Variants in NXPH1 observed in about 807,000 individuals in gnomAD.
NXPH1 encodes the protein neurexophilin 1.
NXPH1 carries 5 observed loss-of-function variants against 23.7 expected under a neutral mutation model. That is an observed-to-expected ratio of 0.21 (90% CI 0.11 to 0.44). The LOEUF (loss-of-function observed/expected upper bound fraction) is 0.44. NXPH1 is among the 20% of genes least tolerant of loss of function. The pLI is 0.99. For missense variants in NXPH1, 324 were observed against 321.6 expected, an observed-to-expected ratio of 1.01 and a Z score of -0.06; for synonymous variants, 144 against 122.2, an observed-to-expected ratio of 1.18 and a Z score of -1.18.
intron 2 of NXPH1, among the ~76,000 whole-genome samples, chr7:8,563,837 C>A (rs1276079977): frequency 6.6e-6 from 1 of 151,730 alleles, no homozygotes; most frequent in Non-Finnish European, 1.5e-5. Flanking sequence ...AACTGGCTTG[C>A]CCAAACCATA....
intron 2 of NXPH1, among the ~76,000 whole-genome samples, chr7:8,587,184 T>C (rs950233826): frequency 2.0e-5 from 3 of 152,190 alleles, no homozygotes; most frequent in Admixed American, 2.0e-4. Context: ...TTGTGACATT[T>C]ATTTGAAAAT....
At position 8,646,897 on chromosome 7, in the gene NXPH1, G is replaced by A. The variant is rs147803864; in HGVS notation, c.55-104111G>A. ...TTTAAAGGCAATAAACTGGCAACTCGGGTGCATGATGGGTAGGAACTGGGC... is the reference window on the plus strand; with the variant it reads ...TTTAAAGGCAATAAACTGGCAACTCAGGTGCATGATGGGTAGGAACTGGGC... On this transcript the variant is annotated intron_variant, in intron 2 of 2. Coordinates refer to ENST00000405863, the MANE Select transcript of NXPH1 (RefSeq NM_152745.3). Among the ~76,000 whole-genome samples the A allele has an allele frequency of 5.3e-4, 81 of 151,798 alleles. No homozygotes were observed. In the East Asian group the frequency reaches 0.013, roughly 24 times the overall value.
chr7:8,683,840 G>C (rs1019542216), intron 2 of NXPH1, among the ~76,000 whole-genome samples: 4 of 152,082 alleles, frequency 2.6e-5, no homozygotes, highest in Non-Finnish European at 5.9e-5. Context: ...GGAATTTAGA[G>C]ATTAATAGAG....
rs184228760 is a variant in NXPH1 at position 8,693,007 on chromosome 7, A to G, written c.55-58001A>G. On this transcript the variant is annotated intron_variant, in intron 2 of 2. Coordinates refer to ENST00000405863, the MANE Select transcript of NXPH1 (RefSeq NM_152745.3). ...CAAGCCCACAGCTGATATCTTGATT[A>G]AATATTTAGAAGGAGCTCTTAGGAA... is the stretch of plus-strand genomic sequence containing the variant. Among the ~76,000 whole-genome samples, 175 of 152,296 alleles carry G rather than the reference A, an allele frequency of 1.1e-3. No individual in the cohort carries two copies. The Middle Eastern group carries it at 0.014, about 12-fold the overall frequency.
intron 2 of NXPH1, among the ~76,000 whole-genome samples, chr7:8,724,659 AC>A (rs1467099475): frequency 2.0e-5 from 3 of 152,026 alleles, no homozygotes; most frequent in African/African-American, 4.8e-5. Context: ...TTGTATGAAT[AC>A]CCTTCTTTGA....
chr7:8,439,655 T>C (rs944349540), intron 2 of NXPH1, among the ~76,000 whole-genome samples: 8 of 152,256 alleles, frequency 5.3e-5, no homozygotes, highest in Non-Finnish European at 4.4e-5. Context: ...TTATGAGCCA[T>C]CTATTCTCTC....
chr7:8,580,740 T>TC (rs1253356700), intron 2 of NXPH1, among the ~76,000 whole-genome samples: 1 of 151,588 alleles, frequency 6.6e-6, no homozygotes, highest in African/African-American at 2.4e-5. Flanking sequence ...GTCACTTTTT[T>TC]TTTTCTTCTT....
chr7:8,471,519 G>A (rs536772703), intron 2 of NXPH1, among the ~76,000 whole-genome samples: 1 of 152,254 alleles, frequency 6.6e-6, no homozygotes, highest in African/African-American at 2.4e-5. Flanking sequence ...GAAATGGGTT[G>A]TAAATACAAC....
intron 2 of NXPH1, among the ~76,000 whole-genome samples, chr7:8,597,950 C>T (rs1419227133): frequency 6.6e-6 from 1 of 151,964 alleles, no homozygotes; most frequent in African/African-American, 2.4e-5. Flanking sequence ...GGAGAGTGGT[C>T]CTATCATTTG....
rs1275205107 is a variant in NXPH1 at position 8,655,502 on chromosome 7, GCACA to G, written c.55-95496_55-95493del. On this transcript the variant is annotated intron_variant, in intron 2 of 2. Coordinates refer to ENST00000405863, the MANE Select transcript of NXPH1 (RefSeq NM_152745.3). ...CACACATCAGATATGTCCATCACACGCACACACACACACGCACACATGCTTTCAT... is the reference window on the plus strand; with the variant it reads ...CACACATCAGATATGTCCATCACACGCACACACACGCACACATGCTTTCAT... Among the ~76,000 whole-genome samples the G allele has an allele frequency of 4.4e-3, 51 of 11,682 alleles. 1 individual carries two copies. Among genetic ancestry groups the G allele is most frequent in the Non-Finnish European group, 1.4e-3 (5 of 3,684 alleles). 7.7% of individuals were successfully genotyped at this position (11,682 alleles called of 152,430 possible). A position where few individuals can be genotyped will look rare whatever the true frequency, so the allele number is the denominator to read the frequency against.
rs888680518 is a variant in NXPH1 at position 8,751,603 on chromosome 7, C to T, written c.650C>T (p.Thr217Ile). 1 of 1,613,582 alleles carries T rather than the reference C, an allele frequency of 6.2e-7. No individual in the cohort carries two copies. The highest frequency in any genetic ancestry group is 8.5e-7 in the Non-Finnish European group (1 of 1,179,760). Residue 217 changes from threonine (T) to isoleucine (I), a missense_variant, in exon 3 of 3, where the codon ACC becomes ATC. Coordinates refer to ENST00000405863, the MANE Select transcript of NXPH1 (RefSeq NM_152745.3). The surrounding 1 kb of genome is among the most constrained non-coding windows in gnomAD (Gnocchi z 4.5). ...NTLCNYDPSKTCYQEQTQSHV... is the reference protein window; with the variant it reads ...NTLCNYDPSKICYQEQTQSHV... ...CTCTGCAACTATGACCCTTCAAAAA[C>T]CTGTTACCAGGAGCAAACCCAAAGT...
At chr7:8,703,573 G>T (rs1343099280) in intron 2 of NXPH1, among the ~76,000 whole-genome samples, 1 of 152,002 alleles carries the variant, frequency 6.6e-6, no homozygotes, top group Non-Finnish European at 1.5e-5. Context: ...CTTATAGTAT[G>T]CAGTGGCGCT....
intron 2 of NXPH1, among the ~76,000 whole-genome samples, chr7:8,543,143 A>G (rs1818144671): frequency 6.6e-6 from 1 of 151,486 alleles, no homozygotes; most frequent in Non-Finnish European, 1.5e-5. Context: ...TTCATTCATT[A>G]TTTCTGCTCA....
intron 2 of NXPH1, among the ~76,000 whole-genome samples, chr7:8,664,747 T>C (rs1324542204): frequency 6.6e-6 from 1 of 152,130 alleles, no homozygotes; most frequent in African/African-American, 2.4e-5. Flanking sequence ...TGATAGCTCA[T>C]TGTGGTTTTA....
At chr7:8,609,944 G>T (rs951471701) in intron 2 of NXPH1, among the ~76,000 whole-genome samples, 11 of 152,126 alleles carry the variant, frequency 7.2e-5, no homozygotes, top group African/African-American at 2.7e-4. Flanking sequence ...GGCGAAGAAG[G>T]TATTGCATTA....
At chr7:8,684,137 A>T (rs1395986432) in intron 2 of NXPH1, among the ~76,000 whole-genome samples, 9 of 152,118 alleles carry the variant, frequency 5.9e-5, no homozygotes, top group Admixed American at 5.9e-4. Context: ...AGCTGAAAAG[A>T]TGGGTTGGAT....
At chr7:8,495,893 G>A (rs887948591) in intron 2 of NXPH1, among the ~76,000 whole-genome samples, 34 of 152,136 alleles carry the variant, frequency 2.2e-4, no homozygotes, top group African/African-American at 6.7e-4. Flanking sequence ...AGTGGGGCAG[G>A]CAAAGCATGT....
intron 2 of NXPH1, among the ~76,000 whole-genome samples, chr7:8,657,611 A>G (rs1349699427): frequency 4.6e-5 from 7 of 152,238 alleles, no homozygotes; most frequent in Non-Finnish European, 4.4e-5. Context: ...CCTGGAGTAT[A>G]AGATTCAGGT....
intron 2 of NXPH1, among the ~76,000 whole-genome samples, chr7:8,669,023 T>C (rs1820825444): frequency 6.6e-6 from 1 of 152,010 alleles, no homozygotes; most frequent in African/African-American, 2.4e-5. Context: ...GGAGACTAGT[T>C]CTATGAGGGC....
Sources: allele counts gnomAD v4.1 joint callset (sites outside exome capture counted in the v4.1 genomes callset), GRCh38; gene constraint gnomAD v4.1.1; non-coding constraint Gnocchi (gnomAD v3.1); transcripts MANE v1.5; gene names NCBI Gene and HGNC (gene_info 2026-07-23, HGNC 2026-07-21).